The following SLC4A10 variants were observed in gnomAD, a reference collection of about 807,000 sequenced individuals.
SLC4A10 encodes solute carrier family 4 member 10.
In SLC4A10, 42 loss-of-function variants were observed where a neutral mutation model predicts 137.7. The observed-to-expected ratio is 0.30, with a 90% CI of 0.24 to 0.39. SLC4A10 has a LOEUF of 0.39. Ranked by LOEUF, SLC4A10 falls within the 10% of genes least tolerant of loss-of-function variation. The probability of loss-of-function intolerance (pLI) is 1.00; values close to 1 mark genes in which losing one functional copy is unlikely to be tolerated. For missense variants in SLC4A10, 925 were observed against 1,355.0 expected (o/e 0.68, Z 4.98); for synonymous variants, 474 against 464.1 (o/e 1.02, Z -0.27).
chr2:161,838,157 A>T (rs376421002), intron 3 of SLC4A10, among the ~76,000 whole-genome samples: 1 of 152,230 alleles, frequency 6.6e-6, no homozygotes. Flanking sequence ...AGTCCAAACA[A>T]ATATAACTAA....
intron 1 of SLC4A10, among the ~76,000 whole-genome samples, chr2:161,670,624 A>G (rs2039587773): frequency 6.6e-6 from 1 of 152,134 alleles, no homozygotes; most frequent in African/African-American, 2.4e-5. Flanking sequence ...ATACAGGTTT[A>G]TAAATACTAA....
intron 1 of SLC4A10, among the ~76,000 whole-genome samples, chr2:161,733,755 C>A (rs1196096186): frequency 6.6e-6 from 1 of 152,184 alleles, no homozygotes; most frequent in Admixed American, 6.5e-5. Context: ...ACACTCAATG[C>A]CAACCCGTGA....
intron 1 of SLC4A10, among the ~76,000 whole-genome samples, chr2:161,694,577 G>A (rs2042309989): frequency 6.6e-6 from 1 of 151,888 alleles, no homozygotes; most frequent in African/African-American, 2.4e-5. Flanking sequence ...ACCTGACTTT[G>A]TAAGGATCAA....
intron 1 of SLC4A10, among the ~76,000 whole-genome samples, chr2:161,671,647 T>C (rs1187932939): frequency 6.6e-6 from 1 of 152,158 alleles, no homozygotes; most frequent in African/African-American, 2.4e-5. Flanking sequence ...GCAAAAAGCC[T>C]ATGTGACAAG....
At chr2:161,745,287 A>C (rs1157123557) in intron 1 of SLC4A10, among the ~76,000 whole-genome samples, 1 of 152,080 alleles carries the variant, frequency 6.6e-6, no homozygotes, top group Non-Finnish European at 1.5e-5. Context: ...GTGTATTTAC[A>C]AATAAGCTGT....
At chr2:161,678,409 G>C (rs1006912770) in intron 1 of SLC4A10, among the ~76,000 whole-genome samples, 3 of 152,146 alleles carry the variant, frequency 2.0e-5, no homozygotes, top group Non-Finnish European at 4.4e-5. Flanking sequence ...TTTTAAATAA[G>C]TATAGAAAAA....
intron 23 of SLC4A10, among the ~76,000 whole-genome samples, chr2:161,966,169 T>C (rs907484738): frequency 1.3e-5 from 2 of 152,182 alleles, no homozygotes; most frequent in Non-Finnish European, 2.9e-5. Flanking sequence ...AGGTTTTTTC[T>C]TTCTCAGAAA....
intron 2 of SLC4A10, among the ~76,000 whole-genome samples, chr2:161,779,301 C>T (rs766820177): frequency 9.2e-5 from 14 of 151,952 alleles, no homozygotes; most frequent in Non-Finnish European, 1.9e-4. Flanking sequence ...GAGCACCTCC[C>T]ACTAGGCTCC....
intron 1 of SLC4A10, among the ~76,000 whole-genome samples, chr2:161,678,657 A>G (rs1030026223): frequency 1.1e-4 from 17 of 152,198 alleles, no homozygotes; most frequent in Non-Finnish European, 2.5e-4. Flanking sequence ...CCATTATTCC[A>G]ATGTCTATTA....
intron 2 of SLC4A10, among the ~76,000 whole-genome samples, chr2:161,801,330 CTT>C (rs1398207396): frequency 6.6e-6 from 1 of 151,910 alleles, no homozygotes; most frequent in Non-Finnish European, 1.5e-5. Flanking sequence ...CTACTTACCT[CTT>C]AATCTTTTTG....
chr2:161,949,094 T>C (rs1694339972), intron 17 of SLC4A10, 54 bp from the exon 18 acceptor site: 5 of 1,120,554 alleles, frequency 4.5e-6, no homozygotes, highest in Non-Finnish European at 6.7e-6. Flanking sequence ...TGTTCCTGAG[T>C]ATTCCTTGAT....
intron 15 of SLC4A10, among the ~76,000 whole-genome samples, chr2:161,930,495 G>T (rs999361859): frequency 6.6e-6 from 1 of 150,962 alleles, no homozygotes; most frequent in African/African-American, 2.4e-5. Flanking sequence ...TAATTCTCAA[G>T]AAATCCTGTC....
intron 23 of SLC4A10, among the ~76,000 whole-genome samples, chr2:161,966,085 T>G (rs1386981650): frequency 6.6e-6 from 1 of 152,232 alleles, no homozygotes; most frequent in Non-Finnish European, 1.5e-5. Context: ...CCTATTTCCT[T>G]TGGGGAATTC....
intron 15 of SLC4A10, among the ~76,000 whole-genome samples, chr2:161,915,087 T>A (rs1300431835): frequency 6.6e-6 from 1 of 152,048 alleles, no homozygotes; most frequent in Non-Finnish European, 1.5e-5. Flanking sequence ...CCTGTGCCTA[T>A]AAAGACCCCA....
chr2:161,876,033 A>G (rs1246600350), intron 8 of SLC4A10, among the ~76,000 whole-genome samples: 1 of 152,192 alleles, frequency 6.6e-6, no homozygotes, highest in Admixed American at 6.5e-5. Context: ...TCTTCTATCT[A>G]ATCTCATTCC....
At position 161,957,208 on chromosome 2, in the gene SLC4A10, G is replaced by T; in HGVS notation, c.2761G>T (p.Gly921Cys). 1 of 1,613,452 alleles carries T rather than the reference G, an allele frequency of 6.2e-7. No homozygotes were observed. The highest frequency in any genetic ancestry group is 1.3e-5 in the African/African-American group (1 of 74,934). ...TGGGCTTATGATTTTTATTCTTATG[G>T]GTTCATCAGTCTTTATGACCAGTAT... ...VTGLMIFILM[G>C]SSVFMTSILK... The change falls in exon 20 of 27, where the codon GGT (glycine) becomes TGT (cysteine). Residue 921 changes from glycine (G) to cysteine (C), a missense_variant. By Grantham distance (159) the Gly-to-Cys change is radical. Coordinates refer to ENST00000446997, the MANE Select transcript of SLC4A10 (RefSeq NM_001178015.2).
At chr2:161,786,044 ATC>A (rs2053586576) in intron 2 of SLC4A10, among the ~76,000 whole-genome samples, 2 of 151,328 alleles carry the variant, frequency 1.3e-5, no homozygotes, top group Admixed American at 1.3e-4. Context: ...GTTATTGTAT[ATC>A]TGTCTGTCTC....
chr2:161,946,861 G>T (rs1693908353), intron 16 of SLC4A10, among the ~76,000 whole-genome samples: 1 of 151,958 alleles, frequency 6.6e-6, no homozygotes, highest in African/African-American at 2.4e-5. Flanking sequence ...TATTTCATTT[G>T]TTCTTTAGTC....
At chr2:161,825,609 CAT>C (rs2057966155) in intron 3 of SLC4A10, among the ~76,000 whole-genome samples, 1 of 152,182 alleles carries the variant, frequency 6.6e-6, no homozygotes, top group Non-Finnish European at 1.5e-5. Flanking sequence ...GCTCCCCTCT[CAT>C]GTGTGTGGCT....
Sources: allele counts gnomAD v4.1 joint callset (sites outside exome capture counted in the v4.1 genomes callset), GRCh38; gene constraint gnomAD v4.1.1; transcripts MANE v1.5; gene names NCBI Gene and HGNC (gene_info 2026-07-23, HGNC 2026-07-21).